TENM3: variants seen among roughly 807,000 people sequenced by gnomAD.
TENM3 encodes teneurin-3.
In TENM3, 63 loss-of-function variants were observed where a neutral mutation model predicts 255.1. The observed-to-expected ratio is 0.25, with a 90% CI of 0.20 to 0.30. The LOEUF (loss-of-function observed/expected upper bound fraction) is 0.30, where lower values mean the gene tolerates loss of function less well. TENM3 is among the 10% of genes least tolerant of loss of function. The probability of loss-of-function intolerance (pLI) is 1.00; values close to 1 mark genes in which losing one functional copy is unlikely to be tolerated. For synonymous variants in TENM3, 1,306 were observed against 1,322.3 expected (o/e 0.99, Z 0.27); for missense variants, 2,929 against 3,461.1 (o/e 0.85, Z 3.86).
intron 1 of TENM3, among the ~76,000 whole-genome samples, chr4:182,320,275 G>C (rs977370165): frequency 2.6e-5 from 4 of 152,166 alleles, no homozygotes; most frequent in Admixed American, 6.5e-5. Flanking sequence ...CCACAACCCT[G>C]GTGGCTTAGA....
intron 1 of TENM3, among the ~76,000 whole-genome samples, chr4:182,300,066 C>T (rs959542082): frequency 3.9e-5 from 6 of 152,134 alleles, no homozygotes; most frequent in African/African-American, 1.4e-4. Flanking sequence ...CAGGTGTTCA[C>T]AGCCACGCCT....
chr4:181,930,046 C>A, the TENM3 span, among the ~76,000 whole-genome samples: 6 of 152,248 alleles, frequency 3.9e-5, no homozygotes. Context: ...AAATTTATAG[C>A]ACTAAATGCC....
Position 182,800,702 on chromosome 4 carries a change from C to T in TENM3, c.*351C>T. The T allele has an allele frequency of 5.6e-6, 1 of 177,938 alleles. No homozygotes were observed. The allele number at this position is 177,938 out of a possible 1,614,324, so 11.0% of individuals were successfully genotyped here. A position where few individuals can be genotyped will look rare whatever the true frequency, so the allele number is the denominator to read the frequency against. ...TTTAAAAAAGAAAAAAAAATGTGTACAGTGTTTCCAAATAGTCCCGAATTG... is the reference window on the plus strand; with the variant it reads ...TTTAAAAAAGAAAAAAAAATGTGTATAGTGTTTCCAAATAGTCCCGAATTG... On this transcript the variant is annotated 3_prime_UTR_variant, in exon 28 of 28. Transcript: ENST00000511685.
At chr4:182,603,765 T>TTTTA (rs778280837) in intron 4 of TENM3, among the ~76,000 whole-genome samples, 1 of 95,504 alleles carries the variant, frequency 1.0e-5, no homozygotes, top group Non-Finnish European at 2.4e-5. Flanking sequence ...TGGCAATTAT[T>TTTTA]TATATATATA....
chr4:182,215,346 C>A (rs1755383357), intron 1 of TENM3, among the ~76,000 whole-genome samples: 2 of 152,150 alleles, frequency 1.3e-5, no homozygotes, highest in African/African-American at 4.8e-5. Flanking sequence ...TTGTGGCGAG[C>A]TCTATCTTCA....
chr4:182,099,811 G>C, the TENM3 span, among the ~76,000 whole-genome samples: 1 of 152,270 alleles, frequency 6.6e-6, no homozygotes, highest in South Asian at 2.1e-4. Context: ...AGAGAAAAAG[G>C]CAGTAATCAG....
chr4:181,793,063 G>A, the TENM3 span, among the ~76,000 whole-genome samples: 1 of 152,046 alleles, frequency 6.6e-6, no homozygotes, highest in Non-Finnish European at 1.5e-5. Flanking sequence ...TGAGAGAGAC[G>A]CTAAGATTTT....
At chr4:181,856,745 T>C in the TENM3 span, among the ~76,000 whole-genome samples, 2 of 152,196 alleles carry the variant, frequency 1.3e-5, no homozygotes, top group African/African-American at 4.8e-5. Context: ...GCATACTGGC[T>C]CTCTCTGTTG....
At chr4:182,660,501 T>G (rs1754141295) in intron 6 of TENM3, among the ~76,000 whole-genome samples, 1 of 152,162 alleles carries the variant, frequency 6.6e-6, no homozygotes, top group Admixed American at 6.5e-5. Flanking sequence ...AAGCAATGAT[T>G]GGAACATGAA....
chr4:182,416,492 A>C (rs935600627), intron 3 of TENM3, among the ~76,000 whole-genome samples: 1 of 150,824 alleles, frequency 6.6e-6, no homozygotes, highest in Non-Finnish European at 1.5e-5. Flanking sequence ...GCAATTTTTC[A>C]TGATCAAGCT....
In TENM3 at chr4:182,290,724, C is replaced by T. The variant is rs192314863; in HGVS notation, c.-75-33222C>T. Among the ~76,000 whole-genome samples the T allele has an allele frequency of 5.4e-3, 828 of 152,018 alleles. 9 individuals carry two copies. Among genetic ancestry groups the T allele is most frequent in the African/African-American group, 0.016 (650 of 41,452 alleles). ...TTCACCATGTTAACCAGGATGGTCT[C>T]GATCTCCTGACCTCGTGATCCGCCT... On this transcript the variant is annotated intron_variant, in intron 1 of 27. Coordinates refer to ENST00000511685, the MANE Select transcript of TENM3 (RefSeq NM_001080477.4).
the TENM3 span, among the ~76,000 whole-genome samples, chr4:181,919,762 T>C: frequency 6.6e-6 from 1 of 152,000 alleles, no homozygotes; most frequent in Admixed American, 6.6e-5. Flanking sequence ...ACTTTAGTTT[T>C]AGGGTACATG....
At chr4:182,592,403 C>T (rs1746752183) in intron 3 of TENM3, among the ~76,000 whole-genome samples, 1 of 152,172 alleles carries the variant, frequency 6.6e-6, no homozygotes, top group African/African-American at 2.4e-5. Context: ...GAAGATCCAC[C>T]TGAGGCTCTG....
chr4:182,539,346 T>C (rs901566874), intron 3 of TENM3, among the ~76,000 whole-genome samples: 1 of 151,870 alleles, frequency 6.6e-6, no homozygotes, highest in Non-Finnish European at 1.5e-5. Flanking sequence ...TGGAGAATAC[T>C]GATGAGCTAG....
At chr4:182,766,572 G>A (rs1036109845) in intron 22 of TENM3, among the ~76,000 whole-genome samples, 3 of 152,108 alleles carry the variant, frequency 2.0e-5, no homozygotes, top group African/African-American at 7.2e-5. Flanking sequence ...ACTATGAAAG[G>A]AAAGAGGCAT....
At chr4:181,665,945 C>A in the TENM3 span, among the ~76,000 whole-genome samples, 4 of 152,002 alleles carry the variant, frequency 2.6e-5, no homozygotes, top group Admixed American at 6.6e-5. Flanking sequence ...AAAAAACTTA[C>A]ACCTATATAT....
chr4:181,471,611 C>T, the TENM3 span, among the ~76,000 whole-genome samples: 31 of 152,246 alleles, frequency 2.0e-4, 1 homozygote, highest in East Asian at 5.4e-3. Flanking sequence ...GTTTAACTGT[C>T]TTAACTTCAC....
At chr4:182,681,106 A>C (rs1411431395) in intron 10 of TENM3, among the ~76,000 whole-genome samples, 1 of 152,198 alleles carries the variant, frequency 6.6e-6, no homozygotes, top group Non-Finnish European at 1.5e-5. Context: ...AGAGTAGTAC[A>C]CATAATATGC....
the TENM3 span, among the ~76,000 whole-genome samples, chr4:181,819,374 G>A: frequency 1.2e-4 from 19 of 152,064 alleles, no homozygotes; most frequent in African/African-American, 4.6e-4. Context: ...AAAATAATAG[G>A]TCATTCAATA....
Sources: allele counts gnomAD v4.1 joint callset (sites outside exome capture counted in the v4.1 genomes callset), GRCh38; gene constraint gnomAD v4.1.1; transcripts MANE v1.5; gene names NCBI Gene and HGNC (gene_info 2026-07-23, HGNC 2026-07-21).